PTPRK: variants seen among roughly 807,000 people sequenced by gnomAD.
The protein encoded by PTPRK is receptor-type tyrosine-protein phosphatase kappa.
Under a neutral mutation model 178.0 loss-of-function variants are expected in PTPRK, and 75 were observed. The observed-to-expected ratio is 0.42, with a 90% CI of 0.35 to 0.51. The LOEUF is 0.51. PTPRK is among the 20% of genes least tolerant of loss of function. The pLI is 0.02. For missense variants in PTPRK, 1,441 were observed against 1,797.8 expected, an observed-to-expected ratio of 0.80 and a Z score of 3.59; for synonymous variants, 637 against 620.6, an observed-to-expected ratio of 1.03 and a Z score of -0.39.
chr6:128,274,777 G>A (rs1768348), intron 3 of PTPRK, among the ~76,000 whole-genome samples: 6,767 of 152,070 alleles, frequency 0.044, 501 homozygotes, highest in African/African-American at 0.15. Context: ...AATGGTGAAA[G>A]TCTGGCTAAA....
chr6:128,425,416 TTTCCCCGAGTCCCCAAAGGCTAATG>T (rs1223518879), intron 1 of PTPRK, among the ~76,000 whole-genome samples: 1 of 151,964 alleles, frequency 6.6e-6, no homozygotes, highest in Non-Finnish European at 1.5e-5. Flanking sequence ...CCCTCACCCT[TTTCCCCGAGTCCCCAAAGGCTAATG>T]TATCATTCTT....
In PTPRK at chr6:128,449,051, G is replaced by A. The variant is rs142086907; in HGVS notation, c.101-51363C>T. On this transcript the variant is annotated intron_variant, in intron 1 of 29. Coordinates refer to ENST00000368226, the MANE Select transcript of PTPRK (RefSeq NM_002844.4). ...ATTTTTTTTTTCCCCCAGTAGAGAC[G>A]GGGTTTCACCATGTTGGTCAGGCTG... Among the ~76,000 whole-genome samples, 579 of 151,976 alleles carry A rather than the reference G, an allele frequency of 3.8e-3. 11 individuals are homozygous for A. The highest frequency in any genetic ancestry group is 3.7e-3 in the East Asian group (19 of 5,152).
chr6:128,376,425 C>G (rs1837080151), intron 2 of PTPRK, among the ~76,000 whole-genome samples: 1 of 152,196 alleles, frequency 6.6e-6, no homozygotes, highest in Admixed American at 6.5e-5. Context: ...GACTGAAACA[C>G]AGGGTACCAG....
At chr6:128,337,249 G>C (rs1015423392) in intron 2 of PTPRK, among the ~76,000 whole-genome samples, 9 of 152,096 alleles carry the variant, frequency 5.9e-5, no homozygotes, top group Admixed American at 1.3e-4. Context: ...CTTCTTAAGG[G>C]CTATTACCTC....
chr6:128,405,386 T>C (rs1841531871), intron 1 of PTPRK, among the ~76,000 whole-genome samples: 2 of 152,214 alleles, frequency 1.3e-5, no homozygotes, highest in South Asian at 4.1e-4. Flanking sequence ...AACCAGGTGT[T>C]TTCCCAAAGA....
chr6:128,047,995 G>A (rs1422521072), intron 13 of PTPRK, among the ~76,000 whole-genome samples: 1 of 152,086 alleles, frequency 6.6e-6, no homozygotes. Context: ...ATGCCCCTAG[G>A]TAAAAGGGAT....
intron 3 of PTPRK, among the ~76,000 whole-genome samples, chr6:128,296,700 G>C (rs924859396): frequency 6.6e-6 from 1 of 152,124 alleles, no homozygotes; most frequent in African/African-American, 2.4e-5. Flanking sequence ...CACCAGGCCT[G>C]CCCTAAAAGA....
At chr6:128,120,279 T>C (rs1408829459) in intron 7 of PTPRK, among the ~76,000 whole-genome samples, 4 of 151,962 alleles carry the variant, frequency 2.6e-5, no homozygotes, top group Non-Finnish European at 5.9e-5. Context: ...AAATAATATG[T>C]AAAAATTGTA....
chr6:128,122,826 T>C (rs1792697516), intron 7 of PTPRK, among the ~76,000 whole-genome samples: 1 of 152,150 alleles, frequency 6.6e-6, no homozygotes, highest in Non-Finnish European at 1.5e-5. Context: ...ATTAAGAAAA[T>C]TCTAACACTT....
intron 12 of PTPRK, among the ~76,000 whole-genome samples, chr6:128,066,541 T>G (rs1256425029): frequency 3.3e-5 from 5 of 152,152 alleles, no homozygotes; most frequent in East Asian, 3.9e-4. Flanking sequence ...TAATTGTATA[T>G]CATGTATCAC....
intron 8 of PTPRK, among the ~76,000 whole-genome samples, chr6:128,084,531 C>T (rs887099090): frequency 1.6e-4 from 25 of 152,094 alleles, no homozygotes; most frequent in African/African-American, 5.3e-4. Flanking sequence ...TAGAACTCAA[C>T]GATCTGCACA....
intron 13 of PTPRK, among the ~76,000 whole-genome samples, chr6:128,015,423 T>C (rs1196651580): frequency 6.6e-6 from 1 of 151,716 alleles, no homozygotes; most frequent in Admixed American, 6.6e-5. Flanking sequence ...TGCTTAGTTC[T>C]CTCTGAAATT....
rs1481436765 is a variant in PTPRK at position 127,970,098 on chromosome 6, C to A, written c.*129G>T. ...AACTTCATAAAAAAAATACTTTTAC[C>A]TCTCAAATGTAAAAGTCTCCCACCC... On this transcript the variant is annotated 3_prime_UTR_variant, in exon 30 of 30. Transcript: ENST00000368226. The A allele has an allele frequency of 1.2e-5, 7 of 585,844 alleles. No individual in the cohort carries two copies. Among genetic ancestry groups the A allele is most frequent in the Non-Finnish European group, 2.0e-5 (7 of 345,898 alleles). 36.3% of individuals were successfully genotyped at this position (585,844 alleles called of 1,614,324 possible).
At chr6:128,140,791 C>A (rs1190201515) in intron 7 of PTPRK, among the ~76,000 whole-genome samples, 2 of 151,926 alleles carry the variant, frequency 1.3e-5, no homozygotes, top group Non-Finnish European at 2.9e-5. Context: ...TTTAAATTCA[C>A]ACAAAGGCTT....
At chr6:128,105,123 C>T (rs1025699966) in intron 7 of PTPRK, among the ~76,000 whole-genome samples, 1 of 150,580 alleles carries the variant, frequency 6.6e-6, no homozygotes, top group Non-Finnish European at 1.5e-5. Context: ...TATTACCTCA[C>T]TTATTTCTTT....
At chr6:128,255,077 G>T (rs1400827909) in intron 3 of PTPRK, among the ~76,000 whole-genome samples, 1 of 152,138 alleles carries the variant, frequency 6.6e-6, no homozygotes, top group East Asian at 1.9e-4. Flanking sequence ...CACAACCTCC[G>T]CCTCCTGGGT....
At chr6:128,345,199 C>T (rs1584273442) in intron 2 of PTPRK, among the ~76,000 whole-genome samples, 1 of 152,100 alleles carries the variant, frequency 6.6e-6, no homozygotes, top group African/African-American at 2.4e-5. Flanking sequence ...CATACACATA[C>T]ATCTGAGGGA....
chr6:127,970,125 C>T lies in PTPRK; in HGVS notation c.*102G>A, dbSNP rs998664055. ...CTCAAATGTAAAAGTCTCCCACCCCCCACATTAAAATCTTTCTGCACAAGT... is the reference window on the plus strand; with the variant it reads ...CTCAAATGTAAAAGTCTCCCACCCCTCACATTAAAATCTTTCTGCACAAGT... On this transcript the variant is annotated 3_prime_UTR_variant, in exon 30 of 30. Transcript: ENST00000368226. 2.2e-5 allele frequency: 18 copies of T among 831,010 alleles called. No individual in the cohort carries two copies. The highest frequency in any genetic ancestry group is 3.2e-5 in the Non-Finnish European group (17 of 539,304). The allele number at this position is 831,010 out of a possible 1,614,324, so 51.5% of individuals were successfully genotyped here.
At chr6:128,061,839 T>A (rs1056688859) in intron 13 of PTPRK, among the ~76,000 whole-genome samples, 6 of 152,200 alleles carry the variant, frequency 3.9e-5, no homozygotes, top group Non-Finnish European at 7.3e-5. Context: ...ATTTTTAATG[T>A]ATAATTCATT....
Sources: gnomAD v4.1 joint callset for allele counts (sites outside exome capture counted in the v4.1 genomes callset) on GRCh38, gnomAD v4.1.1 for gene constraint, MANE v1.5 for transcripts, NCBI Gene and HGNC (gene_info 2026-07-23, HGNC 2026-07-21) for gene names.